CTNNA2: variants seen among roughly 807,000 people sequenced by gnomAD.
CTNNA2 encodes catenin alpha-2.
Under a neutral mutation model 101.0 loss-of-function variants are expected in CTNNA2, and 42 were observed. The ratio of observed to expected loss-of-function variants is 0.42; its 90% CI spans 0.32 to 0.54. CTNNA2 has a LOEUF of 0.54. CTNNA2 is among the 20% of genes least tolerant of loss of function. The pLI is 0.14. For synonymous variants in CTNNA2, 450 were observed against 456.4 expected, an observed-to-expected ratio of 0.99 and a Z score of 0.18; for missense variants, 871 against 1,223.1, an observed-to-expected ratio of 0.71 and a Z score of 4.29.
At chr2:79,823,751 A>G (rs980244143) in intron 3 of CTNNA2, among the ~76,000 whole-genome samples, 4 of 152,182 alleles carry the variant, frequency 2.6e-5, no homozygotes, top group African/African-American at 9.7e-5. Flanking sequence ...AGCTATATAT[A>G]TTGGTAATAG....
Position 80,303,026 on chromosome 2 carries a change from C to A in CTNNA2, c.1057-90185C>A. ...GGGCTCCATGTACTCGATCTCGTTG[C>A]CCGACAAGTCCATTTTCTCCAGGTT... On this transcript the variant is annotated intron_variant, in intron 7 of 18. Coordinates refer to ENST00000402739, the MANE Select transcript of CTNNA2 (RefSeq NM_001282597.3). The surrounding 1 kb of genome is among the most constrained non-coding windows in gnomAD (Gnocchi z 7.7). 1.9e-6 allele frequency: 3 copies of A among 1,613,734 alleles called. No homozygotes were observed. The highest frequency in any genetic ancestry group is 2.5e-6 in the Non-Finnish European group (3 of 1,179,966).
chr2:79,376,403 C>T (rs4491745), intron 4 of CTNNA2, among the ~76,000 whole-genome samples: 126,966 of 151,642 alleles, frequency 0.84, 53,678 homozygotes, highest in African/African-American at 0.95. Context: ...TACTGAATAA[C>T]TGAATTTATC....
At chr2:79,267,330 C>T (rs769553769) in intron 2 of CTNNA2, among the ~76,000 whole-genome samples, 1 of 152,092 alleles carries the variant, frequency 6.6e-6, no homozygotes, top group Non-Finnish European at 1.5e-5. Context: ...CTGGCAGAGT[C>T]ACTGTCTGAT....
intron 2 of CTNNA2, among the ~76,000 whole-genome samples, chr2:79,263,125 A>G (rs1486361121): frequency 2.0e-5 from 3 of 152,240 alleles, no homozygotes; most frequent in Non-Finnish European, 4.4e-5. Flanking sequence ...CATAAAAAAG[A>G]TAACATCTAC....
At chr2:80,481,792 CTCCTTTTAATCATGCAA>C (rs1265152743) in intron 9 of CTNNA2, among the ~76,000 whole-genome samples, 1 of 152,016 alleles carries the variant, frequency 6.6e-6, no homozygotes, top group Non-Finnish European at 1.5e-5. Context: ...GGTTTAATGC[CTCCTTTTAATCATGCAA>C]ACATATATGA....
At chr2:79,801,135 G>A (rs1172147879) in intron 3 of CTNNA2, among the ~76,000 whole-genome samples, 2 of 152,176 alleles carry the variant, frequency 1.3e-5, no homozygotes, top group African/African-American at 4.8e-5. Context: ...AAATTTATGA[G>A]AGAGGGTGAA....
At chr2:80,101,450 TG>T (rs140780585) in intron 7 of CTNNA2, among the ~76,000 whole-genome samples, 80 of 152,350 alleles carry the variant, frequency 5.3e-4, no homozygotes, top group African/African-American at 1.8e-3. Flanking sequence ...TCACTTGAGC[TG>T]ATTCTTTTTT....
At chr2:79,468,419 C>A (rs975700466) in intron 4 of CTNNA2, among the ~76,000 whole-genome samples, 2 of 152,112 alleles carry the variant, frequency 1.3e-5, no homozygotes, top group Admixed American at 1.3e-4. Flanking sequence ...GACTCCCACA[C>A]AATAATAATG....
chr2:79,985,283 T>G (rs950269098), intron 7 of CTNNA2, among the ~76,000 whole-genome samples: 3 of 152,186 alleles, frequency 2.0e-5, no homozygotes, highest in African/African-American at 7.2e-5. Context: ...TCGATGGCAC[T>G]GCCTCAACCC....
At chr2:80,617,128 G>A in intron 17 of CTNNA2, among the ~76,000 whole-genome samples, 1 of 151,716 alleles carries the variant, frequency 6.6e-6, no homozygotes, top group East Asian at 1.9e-4. Flanking sequence ...TTGGAAGAAT[G>A]GACAATTGCA....
At chr2:80,395,119 T>A (rs927806308) in intron 8 of CTNNA2, among the ~76,000 whole-genome samples, 1 of 152,214 alleles carries the variant, frequency 6.6e-6, no homozygotes, top group Non-Finnish European at 1.5e-5. Flanking sequence ...TTGACTCTTT[T>A]TAGCAGAGGA....
intron 1 of CTNNA2, among the ~76,000 whole-genome samples, chr2:79,582,881 A>G (rs1356320774): frequency 2.6e-5 from 4 of 152,072 alleles, no homozygotes; most frequent in Non-Finnish European, 5.9e-5. Context: ...TTTTAAGTTC[A>G]TCCTTTCCCC....
chr2:80,126,994 A>T (rs909076824), intron 7 of CTNNA2, among the ~76,000 whole-genome samples: 17 of 152,214 alleles, frequency 1.1e-4, no homozygotes, highest in Admixed American at 5.9e-4. Context: ...TCTTAGTCAC[A>T]AGTGTGGGTT....
intron 2 of CTNNA2, among the ~76,000 whole-genome samples, chr2:79,666,487 T>C (rs1053092007): frequency 6.6e-6 from 1 of 152,222 alleles, no homozygotes; most frequent in African/African-American, 2.4e-5. Flanking sequence ...TATTCATTAT[T>C]AGATTTTTAC....
intron 2 of CTNNA2, among the ~76,000 whole-genome samples, chr2:79,657,059 A>C (rs1558809228): frequency 6.6e-6 from 1 of 151,638 alleles, no homozygotes; most frequent in African/African-American, 2.4e-5. Flanking sequence ...GGAATTAAAA[A>C]AAATCAAAAG....
chr2:80,592,752 T>A (rs1696620379), intron 15 of CTNNA2, among the ~76,000 whole-genome samples: 2 of 152,160 alleles, frequency 1.3e-5, no homozygotes, highest in African/African-American at 4.8e-5. Flanking sequence ...ATTAACATGT[T>A]AGAGGTATTG....
chr2:80,302,193 C>G lies in CTNNA2; in HGVS notation c.1057-91018C>G, dbSNP rs1282699300. 6.4e-7 allele frequency: 1 copy of G among 1,565,138 alleles called. No individual in the cohort carries two copies. Among genetic ancestry groups the G allele is most frequent in the Non-Finnish European group, 8.7e-7 (1 of 1,155,328 alleles). ...GAGACCCCAGCCTGGTGCCCGCCGG[C>G]CCGTCCCGGCTGCCCAGGCGTATTT... is the stretch of plus-strand genomic sequence containing the variant. On this transcript the variant is annotated intron_variant, in intron 7 of 18. Transcript: ENST00000402739. This position sits in a 1 kb window ranked among gnomAD's most constrained non-coding sequence, Gnocchi z 6.4.
chr2:79,536,574 A>ATGTGTGTGTGTGTGT (rs71245369), intron 1 of CTNNA2, among the ~76,000 whole-genome samples: 22 of 146,810 alleles, frequency 1.5e-4, no homozygotes, highest in Non-Finnish European at 3.0e-5. Flanking sequence ...TCTCTAAAGA[A>ATGTGTGTGTGTGTGT]GTGTGTGTGT....
intron 3 of CTNNA2, among the ~76,000 whole-genome samples, chr2:79,775,414 G>A (rs998344715): frequency 1.3e-5 from 2 of 152,086 alleles, no homozygotes; most frequent in African/African-American, 4.8e-5. Context: ...ACTAAGAGTA[G>A]AAAAATACAA....
Sources: gnomAD v4.1 joint callset for allele counts (sites outside exome capture counted in the v4.1 genomes callset) on GRCh38, gnomAD v4.1.1 for gene constraint, Gnocchi (gnomAD v3.1) non-coding constraint, MANE v1.5 for transcripts, NCBI Gene and HGNC (gene_info 2026-07-23, HGNC 2026-07-21) for gene names.